The following CTNNA3 variants were observed in gnomAD, a reference collection of about 807,000 sequenced individuals.
CTNNA3 encodes the protein catenin alpha 3.
Under a neutral mutation model 95.7 loss-of-function variants are expected in CTNNA3, and 76 were observed. The observed-to-expected ratio is 0.79, with a 90% CI of 0.66 to 0.96. CTNNA3 has a LOEUF of 0.96. Ranked by LOEUF, CTNNA3 falls within the 40% of genes least tolerant of loss-of-function variation. The pLI, the probability that CTNNA3 is intolerant of heterozygous loss-of-function variation, is 0.00. For synonymous variants in CTNNA3, 431 were observed against 374.4 expected (o/e 1.15, Z -1.74); for missense variants, 1,191 against 1,089.8 (o/e 1.09, Z -1.31).
At chr10:66,685,593 C>T (rs569080649) in intron 9 of CTNNA3, among the ~76,000 whole-genome samples, 16 of 150,600 alleles carry the variant, frequency 1.1e-4, no homozygotes, top group African/African-American at 2.7e-4. Flanking sequence ...AGGATGGTCT[C>T]GATCTCCTGA....
intron 13 of CTNNA3, among the ~76,000 whole-genome samples, chr10:66,202,501 T>G (rs920224497): frequency 3.3e-5 from 5 of 152,248 alleles, no homozygotes; most frequent in Non-Finnish European, 7.3e-5. Flanking sequence ...CTGGAGTCTC[T>G]GAGCCTACTC....
intron 5 of CTNNA3, among the ~76,000 whole-genome samples, chr10:67,411,451 G>T (rs1046844559): frequency 1.3e-5 from 2 of 152,050 alleles, no homozygotes; most frequent in Non-Finnish European, 2.9e-5. Context: ...CCTTTTTATG[G>T]TCATAGTTTT....
intron 7 of CTNNA3, among the ~76,000 whole-genome samples, chr10:67,021,948 G>A (rs1853043339): frequency 6.6e-6 from 1 of 152,162 alleles, no homozygotes. Flanking sequence ...AGAATTAAAA[G>A]TAAACTAAAA....
chr10:67,170,842 AG>A (rs1359842630), intron 7 of CTNNA3, among the ~76,000 whole-genome samples: 4 of 152,216 alleles, frequency 2.6e-5, no homozygotes, highest in African/African-American at 9.6e-5. Context: ...CTACCATGGC[AG>A]CCACTGGCCA....
chr10:66,439,901 A>G (rs1048201735), intron 11 of CTNNA3, among the ~76,000 whole-genome samples: 1 of 152,162 alleles, frequency 6.6e-6, no homozygotes, highest in African/African-American at 2.4e-5. Flanking sequence ...AATCTGTATT[A>G]CAACTGAAAT....
intron 5 of CTNNA3, among the ~76,000 whole-genome samples, chr10:67,331,331 T>C (rs769727869): frequency 6.6e-6 from 1 of 152,226 alleles, no homozygotes; most frequent in Non-Finnish European, 1.5e-5. Context: ...GTGAATAAAC[T>C]GCTGTGTTTC....
intron 10 of CTNNA3, among the ~76,000 whole-genome samples, chr10:66,552,920 T>G (rs1437664524): frequency 6.6e-6 from 1 of 152,116 alleles, no homozygotes; most frequent in Non-Finnish European, 1.5e-5. Context: ...TTCAAAAATC[T>G]ATTTTCTCTG....
At chr10:66,240,859 A>G (rs2090075210) in intron 13 of CTNNA3, among the ~76,000 whole-genome samples, 1 of 152,116 alleles carries the variant, frequency 6.6e-6, no homozygotes, top group Non-Finnish European at 1.5e-5. Flanking sequence ...TAAGTAATGG[A>G]AAAACATTGT....
intron 5 of CTNNA3, among the ~76,000 whole-genome samples, chr10:67,489,999 C>T (rs1159613143): frequency 6.6e-6 from 1 of 152,050 alleles, no homozygotes; most frequent in Non-Finnish European, 1.5e-5. Flanking sequence ...TCACAGGTAT[C>T]TTTAACACAA....
intron 5 of CTNNA3, among the ~76,000 whole-genome samples, chr10:67,225,037 A>G (rs1465108943): frequency 6.6e-6 from 1 of 152,140 alleles, no homozygotes; most frequent in African/African-American, 2.4e-5. Context: ...GTTTGGGGGC[A>G]CGGTGGGAGT....
At chr10:67,699,815 C>A (rs947216859), upstream of CTNNA3, among the ~76,000 whole-genome samples, 2 of 152,204 alleles carry the variant, frequency 1.3e-5, no homozygotes, top group East Asian at 1.9e-4. Context: ...CGAAGTCGGG[C>A]AAGCCACTGC....
At chr10:66,398,670 T>A (rs1442670355) in intron 11 of CTNNA3, among the ~76,000 whole-genome samples, 3 of 151,936 alleles carry the variant, frequency 2.0e-5, no homozygotes, top group Non-Finnish European at 4.4e-5. Context: ...CAGAACACTT[T>A]TTTTTAGTGC....
At chr10:67,686,312 G>A (rs756679270) in intron 1 of CTNNA3, among the ~76,000 whole-genome samples, 24 of 152,282 alleles carry the variant, frequency 1.6e-4, no homozygotes, top group East Asian at 7.7e-4. Flanking sequence ...CCTGCCCTTC[G>A]TATCCCATTC....
chr10:66,746,950 T>C (rs1000842136), intron 9 of CTNNA3, among the ~76,000 whole-genome samples: 3 of 152,078 alleles, frequency 2.0e-5, no homozygotes, highest in Non-Finnish European at 4.4e-5. Flanking sequence ...TTAGTAGGGA[T>C]TATTCATGGC....
At chr10:67,095,918 A>G (rs985381595) in intron 7 of CTNNA3, among the ~76,000 whole-genome samples, 4 of 151,836 alleles carry the variant, frequency 2.6e-5, no homozygotes, top group African/African-American at 9.7e-5. Flanking sequence ...TGACAACAAG[A>G]TTCTTATTTA....
At chr10:66,083,025 T>C (rs1381070978) in intron 14 of CTNNA3, among the ~76,000 whole-genome samples, 2 of 123,854 alleles carry the variant, frequency 1.6e-5, no homozygotes, top group Non-Finnish European at 3.7e-5. Flanking sequence ...TAAAGGAAAG[T>C]CTAAAACTAT....
chr10:65,940,292 C>T (rs1318430126), intron 17 of CTNNA3, among the ~76,000 whole-genome samples: 1 of 152,118 alleles, frequency 6.6e-6, no homozygotes, highest in Non-Finnish European at 1.5e-5. Context: ...GGGAATTTGG[C>T]AGATAGTTAT....
chr10:66,765,178 A>T (rs1839792240), intron 9 of CTNNA3, among the ~76,000 whole-genome samples: 1 of 152,170 alleles, frequency 6.6e-6, no homozygotes, highest in Admixed American at 6.6e-5. Context: ...TTTATAGCGC[A>T]AATGCTAGCT....
intron 7 of CTNNA3, among the ~76,000 whole-genome samples, chr10:66,893,112 C>G (rs370797089): frequency 6.6e-6 from 1 of 152,122 alleles, no homozygotes; most frequent in East Asian, 1.9e-4. Context: ...TCTTAGCTCA[C>G]GAAGCCATGG....
Sources: allele counts gnomAD v4.1 joint callset (sites outside exome capture counted in the v4.1 genomes callset), GRCh38; gene constraint gnomAD v4.1.1; transcripts MANE v1.5; gene names NCBI Gene and HGNC (gene_info 2026-07-23, HGNC 2026-07-21).